LONP2: variants seen among roughly 807,000 people sequenced by gnomAD.
LONP2 encodes the protein lon peptidase 2, peroxisomal, also known as lon protease homolog 2, peroxisomal.
In LONP2, 60 loss-of-function variants were observed where a neutral mutation model predicts 85.6. The ratio of observed to expected loss-of-function variants is 0.70; its 90% confidence interval spans 0.57 to 0.87. LONP2 has a LOEUF of 0.87. Ranked by LOEUF, LONP2 falls within the 40% of genes least tolerant of loss-of-function variation. The pLI, the probability that LONP2 is intolerant of heterozygous loss-of-function variation, is 0.00. For synonymous variants in LONP2, 395 were observed against 389.7 expected (o/e 1.01, Z -0.16); for missense variants, 860 against 1,063.5 (o/e 0.81, Z 2.66).
At chr16:48,331,813 C>T (rs1959465691) in intron 11 of LONP2, among the ~76,000 whole-genome samples, 1 of 152,232 alleles carries the variant, frequency 6.6e-6, no homozygotes, top group Admixed American at 6.5e-5. Context: ...ATCCACGCGC[C>T]TCGGCCTCCC....
At chr16:48,315,750 C>T (rs757999495) in intron 11 of LONP2, among the ~76,000 whole-genome samples, 1 of 151,864 alleles carries the variant, frequency 6.6e-6, no homozygotes, top group Non-Finnish European at 1.5e-5. Flanking sequence ...TTCAAATATT[C>T]TTCCCATTTT....
chr16:48,286,734 C>A (rs1208579304), intron 8 of LONP2, among the ~76,000 whole-genome samples: 2 of 151,882 alleles, frequency 1.3e-5, no homozygotes, highest in Non-Finnish European at 2.9e-5. Flanking sequence ...TGAGCTCAAG[C>A]AATTTGCTCA....
intron 8 of LONP2, among the ~76,000 whole-genome samples, chr16:48,292,271 A>G (rs1473522340): frequency 6.6e-6 from 1 of 152,180 alleles, no homozygotes; most frequent in East Asian, 1.9e-4. Flanking sequence ...ATCAATTTAC[A>G]TGGTTGGGGT....
intron 4 of LONP2, 109 bp from the exon 5 acceptor site, chr16:48,261,315 T>A (rs1286242845): frequency 5.3e-5 from 40 of 755,122 alleles, no homozygotes; most frequent in Non-Finnish European, 7.6e-5. Flanking sequence ...ATAGAGACTG[T>A]AGTCATAAAA....
At chr16:48,300,342 C>G (rs1972777361) in intron 10 of LONP2, among the ~76,000 whole-genome samples, 1 of 152,144 alleles carries the variant, frequency 6.6e-6, no homozygotes, top group Non-Finnish European at 1.5e-5. Flanking sequence ...AGTTTACTAC[C>G]AAATGCTTAA....
chr16:48,338,985 G>A (rs1180660015), intron 12 of LONP2, among the ~76,000 whole-genome samples: 1 of 152,194 alleles, frequency 6.6e-6, no homozygotes, highest in Non-Finnish European at 1.5e-5. Flanking sequence ...CTATTGCTCA[G>A]AGGAAATACC....
intron 1 of LONP2, among the ~76,000 whole-genome samples, chr16:48,246,418 G>T (rs1971390095): frequency 6.6e-6 from 1 of 152,114 alleles, no homozygotes; most frequent in Admixed American, 6.6e-5. Context: ...AGGCAAGAGT[G>T]GTCATTATTA....
rs1017045716 is a variant in LONP2, at chr16:48,323,647, A to T, written c.1796-10569A>T. ...CACTCCAGCCTGGGCAACAGGTGAG[A>T]CTCTGTCTCCAAAAAAAAAAAAAAA... On this transcript the variant is annotated intron_variant, in intron 11 of 14. Coordinates refer to ENST00000285737, the MANE Select transcript of LONP2 (RefSeq NM_031490.5). Among the ~76,000 whole-genome samples, 28 of 148,322 alleles carry T rather than the reference A, an allele frequency of 1.9e-4. 1 individual carries two copies. Among genetic ancestry groups the T allele is most frequent in the Admixed American group, 1.8e-3 (27 of 14,636 alleles).
intron 3 of LONP2, among the ~76,000 whole-genome samples, chr16:48,257,878 G>A (rs79185174): frequency 0.034 from 5,250 of 152,266 alleles, 288 homozygotes; most frequent in Admixed American, 0.15. Context: ...CCTGTGCTCC[G>A]ACAAATCACT....
intron 8 of LONP2, among the ~76,000 whole-genome samples, chr16:48,286,059 A>T (rs1048339693): frequency 1.3e-5 from 2 of 151,844 alleles, no homozygotes; most frequent in African/African-American, 4.8e-5. Context: ...TTTATAATTG[A>T]CTGACTTCAC....
intron 8 of LONP2, among the ~76,000 whole-genome samples, chr16:48,277,939 C>T (rs1242909406): frequency 6.6e-6 from 1 of 151,544 alleles, no homozygotes; most frequent in African/African-American, 2.4e-5. Flanking sequence ...TGCCCCCCAA[C>T]AGGAGGTGAA....
chr16:48,313,866 C>A (rs1973085800), intron 11 of LONP2, among the ~76,000 whole-genome samples: 1 of 152,186 alleles, frequency 6.6e-6, no homozygotes, highest in Non-Finnish European at 1.5e-5. Context: ...GCTTCTAGAT[C>A]TTTGAGGAAT....
At chr16:48,347,473 C>T (rs759257740) in intron 12 of LONP2, 34 bp from the exon 13 acceptor site, 13 of 1,609,976 alleles carry the variant, frequency 8.1e-6, no homozygotes, top group Non-Finnish European at 1.1e-5. Context: ...TTAGCATTTG[C>T]CAACCCAACT....
chr16:48,328,286 C>G (rs1190051926), intron 11 of LONP2, among the ~76,000 whole-genome samples: 3 of 151,950 alleles, frequency 2.0e-5, no homozygotes, highest in African/African-American at 4.8e-5. Context: ...TGGTTCACAC[C>G]TGTAATCCCA....
chr16:48,330,112 A>G (rs1425276022), intron 11 of LONP2, among the ~76,000 whole-genome samples: 3 of 152,252 alleles, frequency 2.0e-5, no homozygotes, highest in African/African-American at 7.2e-5. Context: ...TTTTTTTAAC[A>G]TTGACCTTTG....
chr16:48,313,026 A>AT (rs1323950525), intron 11 of LONP2, among the ~76,000 whole-genome samples: 1 of 152,070 alleles, frequency 6.6e-6, no homozygotes, highest in African/African-American at 2.4e-5. Flanking sequence ...TGCCTCATAC[A>AT]TTGTTTCAAG....
intron 11 of LONP2, among the ~76,000 whole-genome samples, chr16:48,323,621 G>A (rs1004223695): frequency 2.7e-5 from 4 of 149,866 alleles, no homozygotes; most frequent in African/African-American, 9.9e-5. Flanking sequence ...TTGTGCCACT[G>A]CACTCCAGCC....
At chr16:48,294,279 A>G (rs1458955343) in intron 8 of LONP2, among the ~76,000 whole-genome samples, 1 of 151,952 alleles carries the variant, frequency 6.6e-6, no homozygotes, top group African/African-American at 2.4e-5. Flanking sequence ...TAGTAAGACC[A>G]CTCTTAACCA....
At chr16:48,315,059 T>C (rs1439009549) in intron 11 of LONP2, among the ~76,000 whole-genome samples, 3 of 152,256 alleles carry the variant, frequency 2.0e-5, no homozygotes, top group African/African-American at 4.8e-5. Flanking sequence ...ATAGACAAAG[T>C]AAGCAGGATA....
Sources: gnomAD v4.1 joint callset for allele counts (sites outside exome capture counted in the v4.1 genomes callset) on GRCh38, gnomAD v4.1.1 for gene constraint, MANE v1.5 for transcripts, NCBI Gene and HGNC (gene_info 2026-07-23, HGNC 2026-07-21) for gene names.